The following TNPO1 variants were observed in gnomAD, a reference collection of about 807,000 sequenced individuals.
TNPO1 encodes the protein transportin 1, also known as transportin-1.
Under a neutral mutation model 119.5 loss-of-function variants are expected in TNPO1, and 8 were observed. The ratio of observed to expected loss-of-function variants is 0.07; its 90% CI spans 0.04 to 0.12. The LOEUF is 0.12. Ranked by LOEUF, TNPO1 falls within the 10% of genes least tolerant of loss-of-function variation. The pLI is 1.00. For missense variants in TNPO1, 576 were observed against 1,089.8 expected (o/e 0.53, Z 6.64); for synonymous variants, 362 against 363.0 (o/e 1.00, Z 0.03).
intron 9 of TNPO1, among the ~76,000 whole-genome samples, chr5:72,877,557 A>G (rs951777645): frequency 2.0e-5 from 3 of 152,204 alleles, no homozygotes; most frequent in African/African-American, 7.2e-5. Flanking sequence ...CTAAATTATA[A>G]TTGATTTCGG....
chr5:72,845,249 A>G (rs1396252904), intron 1 of TNPO1, among the ~76,000 whole-genome samples: 1 of 152,174 alleles, frequency 6.6e-6, no homozygotes, highest in African/African-American at 2.4e-5. Flanking sequence ...TACTCCAGGT[A>G]ATATTTAAAT....
chr5:72,886,618 G>A (rs1261962740), intron 11 of TNPO1, among the ~76,000 whole-genome samples: 1 of 151,968 alleles, frequency 6.6e-6, no homozygotes, highest in East Asian at 1.9e-4. Flanking sequence ...AATGTTTTTG[G>A]CTGGGCATGG....
chr5:72,872,659 T>C lies in TNPO1; in HGVS notation c.617T>C (p.Val206Ala). The C allele has an allele frequency of 6.2e-7, 1 of 1,611,538 alleles. No individual in the cohort carries two copies. The highest frequency in any genetic ancestry group is 2.2e-5 in the East Asian group (1 of 44,796). Residue 206 changes from valine to alanine, a missense_variant, in exon 7 of 25, where the codon GTC becomes GCC. Val to Ala is a moderately conservative substitution (Grantham distance 64, BLOSUM62 0). Transcript: ENST00000337273. ...PKIRSHAVACVNQFIISRTQA... is the reference protein window; with the variant it reads ...PKIRSHAVACANQFIISRTQA... Reference sequence around the variant, plus strand: ...TCTAGGTCTCACGCTGTTGCATGTGTCAATCAGTTTATCATCAGTAGGACT... The same window carrying C: ...TCTAGGTCTCACGCTGTTGCATGTGCCAATCAGTTTATCATCAGTAGGACT...
chr5:72,843,144 A>C (rs924085491), intron 1 of TNPO1, among the ~76,000 whole-genome samples: 6 of 152,166 alleles, frequency 3.9e-5, no homozygotes, highest in Admixed American at 6.5e-5. Context: ...ACCATGAAGA[A>C]TTGTCCTAGC....
rs532851538 is a variant in TNPO1, at chr5:72,860,770, C to T, written c.356-1038C>T. On this transcript the variant is annotated intron_variant, in intron 4 of 24. Transcript: ENST00000337273. Reference sequence around the variant, plus strand: ...CCTACCATGGTCCTTGGCTCTGGTTCCAGATTAAGTCAGGGAGCTATTTTT... The same window carrying T: ...CCTACCATGGTCCTTGGCTCTGGTTTCAGATTAAGTCAGGGAGCTATTTTT... 1.3e-3 allele frequency among the ~76,000 whole-genome samples: 199 copies of T among 152,278 alleles called. 1 individual carries two copies. Among genetic ancestry groups the T allele is most frequent in the African/African-American group, 4.5e-3 (189 of 41,548 alleles).
At chr5:72,848,938 G>C (rs1745330856) in intron 2 of TNPO1, among the ~76,000 whole-genome samples, 1 of 151,890 alleles carries the variant, frequency 6.6e-6, no homozygotes, top group Non-Finnish European at 1.5e-5. Flanking sequence ...GGTGGAGGGC[G>C]CTCTGTGCGC....
At chr5:72,858,966 T>C in intron 4 of TNPO1, among the ~76,000 whole-genome samples, 1 of 152,086 alleles carries the variant, frequency 6.6e-6, no homozygotes, top group East Asian at 1.9e-4. Flanking sequence ...TTTTTTTTTT[T>C]TTTAATCACC....
At chr5:72,893,034 A>T in intron 15 of TNPO1, 105 bp from the exon 16 acceptor site, 1 of 827,462 alleles carries the variant, frequency 1.2e-6, no homozygotes, top group East Asian at 2.5e-5. Context: ...AAACTAGTAG[A>T]GCAAGCTCAT....
At chr5:72,818,710 A>G (rs559358724) in intron 1 of TNPO1, among the ~76,000 whole-genome samples, 23 of 152,206 alleles carry the variant, frequency 1.5e-4, no homozygotes, top group Non-Finnish European at 2.9e-4. Context: ...TGATATTTGA[A>G]TACATATTGG....
At chr5:72,867,139 C>T (rs1258785326) in intron 6 of TNPO1, among the ~76,000 whole-genome samples, 1 of 150,672 alleles carries the variant, frequency 6.6e-6, no homozygotes, top group African/African-American at 2.4e-5. Flanking sequence ...CCACTGTGCT[C>T]TAGCCTGAGT....
At chr5:72,898,051 C>T (rs1034387346) in intron 20 of TNPO1, among the ~76,000 whole-genome samples, 1 of 151,964 alleles carries the variant, frequency 6.6e-6, no homozygotes, top group Non-Finnish European at 1.5e-5. Context: ...AGTTATCTGG[C>T]TGTTTGGCTG....
chr5:72,869,822 A>G (rs766181041), intron 6 of TNPO1, among the ~76,000 whole-genome samples: 6 of 152,228 alleles, frequency 3.9e-5, no homozygotes, highest in Non-Finnish European at 8.8e-5. Context: ...CTAATTAACA[A>G]ATTGATATTG....
intron 11 of TNPO1, among the ~76,000 whole-genome samples, chr5:72,884,734 AT>A (rs1427497946): frequency 6.6e-6 from 1 of 150,710 alleles, no homozygotes; most frequent in Non-Finnish European, 1.5e-5. Flanking sequence ...CACTATTGGC[AT>A]TTTGGGCCAC....
chr5:72,860,674 T>C (rs1321598269), intron 4 of TNPO1, among the ~76,000 whole-genome samples: 2 of 152,230 alleles, frequency 1.3e-5, no homozygotes, highest in African/African-American at 4.8e-5. Context: ...CCTGCCTACA[T>C]GAGGGAGAGT....
At chr5:72,896,697 C>T in intron 19 of TNPO1, 141 bp downstream of exon 19, 1 of 578,724 alleles carries the variant, frequency 1.7e-6, no homozygotes, top group Non-Finnish European at 3.0e-6. Context: ...TGGTGAAACC[C>T]CGTCTCTACT....
intron 4 of TNPO1, among the ~76,000 whole-genome samples, chr5:72,856,442 AGGCTGGTCT>A (rs1278020323): frequency 9.2e-5 from 14 of 152,140 alleles, no homozygotes; most frequent in Admixed American, 9.2e-4. Context: ...CATGTTGGCC[AGGCTGGTCT>A]ATAACTCCTG....
intron 20 of TNPO1, among the ~76,000 whole-genome samples, 198 bp from the exon 21 acceptor site, chr5:72,899,808 A>G (rs1749687630): frequency 6.6e-6 from 1 of 152,128 alleles, no homozygotes; most frequent in African/African-American, 2.4e-5. Flanking sequence ...AGTATGCCAT[A>G]TATGTTGCTG....
intron 1 of TNPO1, among the ~76,000 whole-genome samples, chr5:72,827,966 C>G (rs1011987963): frequency 3.3e-5 from 5 of 151,756 alleles, no homozygotes; most frequent in African/African-American, 1.2e-4. Context: ...TTTGAGATGC[C>G]CATTTGACAA....
At chr5:72,827,816 A>C (rs911021368) in intron 1 of TNPO1, among the ~76,000 whole-genome samples, 1 of 151,276 alleles carries the variant, frequency 6.6e-6, no homozygotes, top group Admixed American at 6.6e-5. Flanking sequence ...GCTACTCAGG[A>C]TGCTGAGGTG....
Sources: gnomAD v4.1 joint callset for allele counts (sites outside exome capture counted in the v4.1 genomes callset) on GRCh38, gnomAD v4.1.1 for gene constraint, MANE v1.5 for transcripts, NCBI Gene and HGNC (gene_info 2026-07-23, HGNC 2026-07-21) for gene names.